Variants in GALNT18 observed in about 807,000 individuals in gnomAD.
GALNT18 encodes the protein polypeptide N-acetylgalactosaminyltransferase 18.
Under a neutral mutation model 69.5 loss-of-function variants are expected in GALNT18, and 44 were observed. The observed-to-expected ratio is 0.63, with a 90% confidence interval of 0.50 to 0.81. The LOEUF (loss-of-function observed/expected upper bound fraction) is 0.81. Among genes scored for constraint, GALNT18 ranks in the 40% least tolerant of loss-of-function variants. The pLI is 0.00. For missense variants in GALNT18, 715 were observed against 810.0 expected (o/e 0.88, Z 1.42); for synonymous variants, 364 against 318.2 (o/e 1.14, Z -1.53).
intron 1 of GALNT18, among the ~76,000 whole-genome samples, chr11:11,611,096 G>C (rs1177731438): frequency 2.0e-5 from 3 of 152,194 alleles, no homozygotes; most frequent in Non-Finnish European, 4.4e-5. Flanking sequence ...TAAACAGAAA[G>C]AGAGATTAGT....
At chr11:11,476,925 G>A in intron 1 of GALNT18, among the ~76,000 whole-genome samples, 1 of 152,184 alleles carries the variant, frequency 6.6e-6, no homozygotes, top group Non-Finnish European at 1.5e-5. Context: ...TTAGATTGAG[G>A]GACAAAGGAC....
chr11:11,341,506 G>A lies in GALNT18; in HGVS notation c.1093-502C>T, dbSNP rs1442681444. Among the ~76,000 whole-genome samples the A allele has an allele frequency of 6.6e-6, 1 of 152,158 alleles. No homozygotes were observed. Among genetic ancestry groups the A allele is most frequent in the Admixed American group, 6.5e-5 (1 of 15,282 alleles). On this transcript the variant is annotated intron_variant, in intron 6 of 10. Transcript: ENST00000227756. This position sits in a 1 kb window ranked among gnomAD's most constrained non-coding sequence, Gnocchi z 6.3. ...TGTCACCAGACACCCTTCTTCTAGT[G>A]CATCTTTCCGAGGCTCTGGGTTCTG...
rs368997805 is a variant in GALNT18, at chr11:11,558,247, GT to G, written c.235+63111del. 5.7e-3 allele frequency among the ~76,000 whole-genome samples: 870 copies of G among 152,206 alleles called. 12 individuals carry two copies. Among genetic ancestry groups the G allele is most frequent in the African/African-American group, 0.02 (818 of 41,524 alleles). On this transcript the variant is annotated intron_variant, in intron 1 of 10. Coordinates refer to ENST00000227756, the MANE Select transcript of GALNT18 (RefSeq NM_198516.3). ...CAAGGTGTACTCTTAATGTGGTAGG[GT>G]TTTTTTCTCCCCCTCTGAAAAATGA...
chr11:11,303,475 G>A (rs943842436), intron 9 of GALNT18, among the ~76,000 whole-genome samples: 1 of 152,090 alleles, frequency 6.6e-6, no homozygotes, highest in African/African-American at 2.4e-5. Context: ...TGCTTCTAGA[G>A]AAACCTGACT....
rs1006009170 is a variant in GALNT18 at position 11,590,382 on chromosome 11, C to T, written c.235+30977G>A. Among the ~76,000 whole-genome samples the T allele has an allele frequency of 3.3e-5, 5 of 152,222 alleles. No individual in the cohort carries two copies. Among genetic ancestry groups the T allele is most frequent in the African/African-American group, 1.2e-4 (5 of 41,450 alleles). On this transcript the variant is annotated intron_variant, in intron 1 of 10. Transcript: ENST00000227756. The surrounding 1 kb of genome is among the most constrained non-coding windows in gnomAD (Gnocchi z 4.4). ...AGGAAGGCTGCAGGCCCACAAGGAA[C>T]TTCCACATTGCTTGTTGGGTAAGTG...
intron 2 of GALNT18, among the ~76,000 whole-genome samples, chr11:11,445,682 T>TA (rs1855632347): frequency 1.3e-5 from 2 of 152,230 alleles, no homozygotes; most frequent in Non-Finnish European, 2.9e-5. Context: ...CCCTCCACTG[T>TA]TAAAGCCACT....
chr11:11,484,162 C>T (rs139472174), intron 1 of GALNT18, among the ~76,000 whole-genome samples: 5 of 152,290 alleles, frequency 3.3e-5, no homozygotes, highest in Admixed American at 6.5e-5. Context: ...TATCAAAATT[C>T]GCCTAGCTGC....
chr11:11,584,733 G>C lies in GALNT18; in HGVS notation c.235+36626C>G, dbSNP rs1046883312. The stretch of plus-strand genomic sequence containing the variant: ...AGTATGAAGGTTGTCTCAAGAGAAA[G>C]AGCTTATACAATCGAGGTGGACAAT... On this transcript the variant is annotated intron_variant, in intron 1 of 10. Coordinates refer to ENST00000227756, the MANE Select transcript of GALNT18 (RefSeq NM_198516.3). This position sits in a 1 kb window ranked among gnomAD's most constrained non-coding sequence, Gnocchi z 4.1. 2.0e-5 allele frequency among the ~76,000 whole-genome samples: 3 copies of C among 152,212 alleles called. No homozygotes were observed. Among genetic ancestry groups the C allele is most frequent in the Admixed American group, 2.0e-4 (3 of 15,286 alleles).
intron 10 of GALNT18, among the ~76,000 whole-genome samples, chr11:11,272,357 A>G (rs555258513): frequency 2.0e-5 from 3 of 152,028 alleles, no homozygotes; most frequent in Admixed American, 2.0e-4. Context: ...TCTTTCTCTC[A>G]CTGGGACAAC....
chr11:11,487,968 G>T (rs1856678568), intron 1 of GALNT18, among the ~76,000 whole-genome samples: 1 of 152,220 alleles, frequency 6.6e-6, no homozygotes, highest in Admixed American at 6.5e-5. Context: ...GCAGGACAAA[G>T]GTGGTTATAA....
At chr11:11,597,238 G>T (rs115539601) in intron 1 of GALNT18, among the ~76,000 whole-genome samples, 3,636 of 152,216 alleles carry the variant, frequency 0.024, 161 homozygotes, top group African/African-American at 0.083. Context: ...TAGGAGATAT[G>T]GTCTGAGGTT....
At chr11:11,296,744 C>A (rs370701755) in intron 9 of GALNT18, among the ~76,000 whole-genome samples, 3 of 152,124 alleles carry the variant, frequency 2.0e-5, no homozygotes. Flanking sequence ...CTGGGAAAAT[C>A]ATAATGGGGC....
rs1859147084 is a variant in GALNT18 at position 11,583,712 on chromosome 11, G to C, written c.235+37647C>G. Among the ~76,000 whole-genome samples, 1 of 151,988 alleles carries C rather than the reference G, an allele frequency of 6.6e-6. No homozygotes were observed. The highest frequency in any genetic ancestry group is 1.5e-5 in the Non-Finnish European group (1 of 68,012). ...TTTCCAAAGCCCTGACCACATACGTGGTCAGGGAAAATGCTTAAAGCTTCA... is the reference window on the plus strand; with the variant it reads ...TTTCCAAAGCCCTGACCACATACGTCGTCAGGGAAAATGCTTAAAGCTTCA... On this transcript the variant is annotated intron_variant, in intron 1 of 10. Transcript: ENST00000227756. The surrounding 1 kb of genome is among the most constrained non-coding windows in gnomAD (Gnocchi z 4.7).
In GALNT18 at chr11:11,469,542, TC is replaced by T. The variant is rs1184637859; in HGVS notation, c.236-20607del. Among the ~76,000 whole-genome samples, 1 of 152,196 alleles carries T rather than the reference TC, an allele frequency of 6.6e-6. No homozygotes were observed. The highest frequency in any genetic ancestry group is 1.5e-5 in the Non-Finnish European group (1 of 68,036). ...TTCTCTAAACCTCACTGGATCTGCA[TC>T]TTGGTGATCAACCTCTGACTTGTTT... On this transcript the variant is annotated intron_variant, in intron 1 of 10. Transcript: ENST00000227756. This position sits in a 1 kb window ranked among gnomAD's most constrained non-coding sequence, Gnocchi z 4.2.
chr11:11,397,954 G>A (rs768171014), intron 3 of GALNT18, among the ~76,000 whole-genome samples: 22 of 152,310 alleles, frequency 1.4e-4, no homozygotes, highest in South Asian at 2.1e-4. Context: ...CCATTCAGCC[G>A]CTTGCATCCA....
At position 11,601,140 on chromosome 11, in the gene GALNT18, C is replaced by T. The variant is rs1283617691; in HGVS notation, c.235+20219G>A. ...TTTCTGGTAAGTCTCACATCCAGGT[C>T]CCCTGAAAGACAATTTCTATGATCT... On this transcript the variant is annotated intron_variant, in intron 1 of 10. Coordinates refer to ENST00000227756, the MANE Select transcript of GALNT18 (RefSeq NM_198516.3). This position sits in a 1 kb window ranked among gnomAD's most constrained non-coding sequence, Gnocchi z 4.0. 6.6e-6 allele frequency among the ~76,000 whole-genome samples: 1 copy of T among 152,138 alleles called. No homozygotes were observed. Among genetic ancestry groups the T allele is most frequent in the Non-Finnish European group, 1.5e-5 (1 of 68,022 alleles).
At chr11:11,361,915 C>T (rs1331600835) in intron 6 of GALNT18, among the ~76,000 whole-genome samples, 1 of 152,102 alleles carries the variant, frequency 6.6e-6, no homozygotes, top group Non-Finnish European at 1.5e-5. Context: ...CTAAATTCAC[C>T]CTGTGGACTT....
chr11:11,368,352 T>C (rs950310174), intron 6 of GALNT18, among the ~76,000 whole-genome samples: 3 of 152,232 alleles, frequency 2.0e-5, no homozygotes, highest in Admixed American at 6.5e-5. Flanking sequence ...TGGTGTCTTT[T>C]ATCAGTTTGG....
chr11:11,344,352 A>G (rs904048102), intron 6 of GALNT18, among the ~76,000 whole-genome samples: 5 of 152,006 alleles, frequency 3.3e-5, no homozygotes, highest in Non-Finnish European at 7.4e-5. Context: ...GTTCACTGTC[A>G]CTTTGCTGCA....
Sources: gnomAD v4.1 joint callset for allele counts (sites outside exome capture counted in the v4.1 genomes callset) on GRCh38, gnomAD v4.1.1 for gene constraint, Gnocchi (gnomAD v3.1) non-coding constraint, MANE v1.5 for transcripts, NCBI Gene and HGNC (gene_info 2026-07-23, HGNC 2026-07-21) for gene names.